SLC26A7: variants seen among roughly 807,000 people sequenced by gnomAD.
SLC26A7 encodes anion exchange transporter.
A neutral mutation model predicts 82.5 loss-of-function variants in SLC26A7; 59 were observed. The observed-to-expected ratio is 0.72, with a 90% CI of 0.58 to 0.89. SLC26A7 has a LOEUF of 0.89. SLC26A7 is among the 40% of genes least tolerant of loss of function. The pLI is 0.00. For missense variants in SLC26A7, 820 were observed against 793.0 expected (o/e 1.03, Z -0.41); for synonymous variants, 271 against 274.3 (o/e 0.99, Z 0.12).
In SLC26A7 at chr8:91,390,912, T is replaced by C. The variant is rs78423627; in HGVS notation, c.1776+1474T>C. Among the ~76,000 whole-genome samples the C allele has an allele frequency of 4.9e-3, 744 of 152,306 alleles. 10 individuals carry two copies. Among genetic ancestry groups the C allele is most frequent in the African/African-American group, 0.016 (683 of 41,552 alleles). The stretch of plus-strand genomic sequence containing the variant: ...CTGCCTGGTGCCGATTGTCTAAACA[T>C]GGTTGTTGTATATTTTTGTCCAGTT... On this transcript the variant is annotated intron_variant, in intron 16 of 18. Transcript: ENST00000276609.
intron 1 of SLC26A7, chr8:91,209,634 G>A (rs1233634588): frequency 6.6e-6 from 1 of 152,142 alleles, no homozygotes; most frequent in Non-Finnish European, 1.5e-5. Context: ...GTAGGCTGTG[G>A]AAAGAGCTAG....
Position 91,249,803 on chromosome 8 carries a change from C to T in SLC26A7, c.152C>T (p.Thr51Ile), listed in dbSNP as rs765146924. ...YNLKENLLPDTVSGIMLAVQQ... is the reference protein window; with the variant it reads ...YNLKENLLPDIVSGIMLAVQQ... ...CTGAAAGAAAACTTGCTTCCAGACA[C>T]TGTGTCTGGGATAATGTTGGCAGTT... is the stretch of plus-strand genomic sequence containing the variant. Residue 51 changes from threonine to isoleucine, a missense_variant, in exon 2 of 19, where the codon ACT becomes ATT. By Grantham distance (89) the Thr-to-Ile change is moderately conservative. Transcript: ENST00000276609. 7 of 1,610,240 alleles carry T rather than the reference C, an allele frequency of 4.3e-6. No homozygotes were observed. The highest frequency in any genetic ancestry group is 5.9e-6 in the Non-Finnish European group (7 of 1,178,610).
chr8:91,279,112 T>C (rs1240559997), intron 2 of SLC26A7, among the ~76,000 whole-genome samples: 1 of 96,298 alleles, frequency 1.0e-5, no homozygotes, highest in Non-Finnish European at 1.9e-5. Flanking sequence ...TTTCATAGTA[T>C]GTGTGTGTGT....
intron 2 of SLC26A7, among the ~76,000 whole-genome samples, chr8:91,284,233 A>G (rs889177386): frequency 6.6e-5 from 10 of 152,182 alleles, no homozygotes; most frequent in Non-Finnish European, 1.3e-4. Context: ...GGGTTAGATC[A>G]TCTGGGAAGA....
chr8:91,290,206 G>A (rs1236560794), intron 3 of SLC26A7, among the ~76,000 whole-genome samples: 1 of 152,130 alleles, frequency 6.6e-6, no homozygotes, highest in Non-Finnish European at 1.5e-5. Flanking sequence ...GGGATTACAT[G>A]ATCTCAGCCT....
chr8:91,381,524 C>T (rs1240186073), intron 15 of SLC26A7, among the ~76,000 whole-genome samples: 1 of 152,020 alleles, frequency 6.6e-6, no homozygotes, highest in Non-Finnish European at 1.5e-5. Context: ...TTCTTGAGTG[C>T]CTTGCTCTCT....
At chr8:91,261,548 T>C (rs1262035834) in intron 2 of SLC26A7, among the ~76,000 whole-genome samples, 4 of 152,032 alleles carry the variant, frequency 2.6e-5, no homozygotes, top group African/African-American at 9.7e-5. Flanking sequence ...CTATATAACA[T>C]AACATGAAAT....
chr8:91,301,045 A>G (rs1812152164), intron 4 of SLC26A7, among the ~76,000 whole-genome samples: 1 of 152,222 alleles, frequency 6.6e-6, no homozygotes, highest in Non-Finnish European at 1.5e-5. Context: ...ATGTTAATAG[A>G]TTCCCTAATA....
In SLC26A7 at chr8:91,295,566, G is replaced by A. The variant is rs763579870; in HGVS notation, c.340G>A (p.Ala114Thr). 4.3e-6 allele frequency: 7 copies of A among 1,613,686 alleles called. No homozygotes were observed. Among genetic ancestry groups the A allele is most frequent in the Non-Finnish European group, 4.2e-6 (5 of 1,179,824 alleles). Reference sequence around the variant, plus strand: ...CTTGACATCCTTAATATCAGCCAACGCCGTGGAACGGATTGTCCCTCAGAA... The same window carrying A: ...CTTGACATCCTTAATATCAGCCAACACCGTGGAACGGATTGTCCCTCAGAA... The part of the protein sequence containing the change: ...FALTSLISAN[A>T]VERIVPQNMQ... Residue 114 changes from alanine to threonine, a missense_variant, in exon 4 of 19, where the codon GCC becomes ACC. By Grantham distance (58) the Ala-to-Thr change is moderately conservative. Coordinates refer to ENST00000276609, the MANE Select transcript of SLC26A7 (RefSeq NM_052832.4).
At chr8:91,265,958 AT>A (rs894877311) in intron 2 of SLC26A7, among the ~76,000 whole-genome samples, 65 of 151,964 alleles carry the variant, frequency 4.3e-4, no homozygotes, top group African/African-American at 1.5e-3. Context: ...CCATTAATCT[AT>A]TTTTGCTTTT....
Position 91,340,534 on chromosome 8 carries a change from TC to T in SLC26A7, c.1010del (p.Ser337Ter), listed in dbSNP as rs1450284294. 6.2e-7 allele frequency: 1 copy of T among 1,613,868 alleles called. No homozygotes were observed. The highest frequency in any genetic ancestry group is 1.3e-5 in the African/African-American group (1 of 74,994). On this transcript the variant is annotated frameshift_variant, in exon 8 of 19. Transcript: ENST00000276609. LOFTEE classifies it high-confidence loss of function. ...AQGSAKKFKY[S>X]IDDNQEFLAH... is the part of the protein sequence containing the mutation. ...AGGATCTGCCAAAAAATTCAAATATTCAATTGATGACAACCAGGTGGAGTGT... is the reference window on the plus strand; with the variant it reads ...AGGATCTGCCAAAAAATTCAAATATTAATTGATGACAACCAGGTGGAGTGT...
At chr8:91,382,063 A>T (rs1000435671) in intron 15 of SLC26A7, among the ~76,000 whole-genome samples, 1 of 152,096 alleles carries the variant, frequency 6.6e-6, no homozygotes, top group Admixed American at 6.6e-5. Flanking sequence ...TTTTTTTCCT[A>T]TGAGTCAAAG....
At chr8:91,240,057 T>A (rs1810453415) in intron 2 of SLC26A7, among the ~76,000 whole-genome samples, 1 of 152,214 alleles carries the variant, frequency 6.6e-6, no homozygotes, top group Admixed American at 6.5e-5. Context: ...TCCTTGGTAC[T>A]CTACTTATCT....
chr8:91,314,021 T>C (rs536688507), intron 4 of SLC26A7, among the ~76,000 whole-genome samples: 1 of 152,354 alleles, frequency 6.6e-6, no homozygotes, highest in African/African-American at 2.4e-5. Context: ...AATAGTATCA[T>C]GCTAGTGAAT....
At chr8:91,288,775 G>A (rs1014746791) in intron 2 of SLC26A7, among the ~76,000 whole-genome samples, 22 of 152,100 alleles carry the variant, frequency 1.4e-4, no homozygotes, top group African/African-American at 5.1e-4. Context: ...AGATGCTATT[G>A]TGCACATAAA....
intron 11 of SLC26A7, among the ~76,000 whole-genome samples, chr8:91,358,407 C>T (rs886972177): frequency 2.7e-5 from 4 of 150,730 alleles, no homozygotes; most frequent in Non-Finnish European, 5.9e-5. Flanking sequence ...TGGCTCACTG[C>T]AAGCTCCACC....
At chr8:91,255,565 A>G (rs1329197598) in intron 2 of SLC26A7, among the ~76,000 whole-genome samples, 1 of 152,088 alleles carries the variant, frequency 6.6e-6, no homozygotes, top group East Asian at 1.9e-4. Context: ...GCATCCAAAT[A>G]TTCCTAAATG....
chr8:91,348,365 C>A (rs2130851818), intron 9 of SLC26A7: 1 of 985,288 alleles, frequency 1.0e-6, no homozygotes, highest in Non-Finnish European at 1.2e-6. Context: ...AAGTAAATGG[C>A]TGGTTTCTCC....
chr8:91,357,744 C>T (rs969669383), intron 11 of SLC26A7, among the ~76,000 whole-genome samples: 2 of 152,050 alleles, frequency 1.3e-5, no homozygotes, highest in African/African-American at 4.8e-5. Flanking sequence ...GCAACAAAAG[C>T]CAAAATTGAC....
Sources: gnomAD v4.1 joint callset for allele counts (sites outside exome capture counted in the v4.1 genomes callset) on GRCh38, gnomAD v4.1.1 for gene constraint, MANE v1.5 for transcripts, NCBI Gene and HGNC (gene_info 2026-07-23, HGNC 2026-07-21) for gene names.